MUC5AC: variants seen among roughly 807,000 people sequenced by gnomAD.
MUC5AC encodes the protein mucin 5AC, oligomeric mucus/gel-forming, also known as mucin-5AC.
MUC5AC carries 158 observed loss-of-function variants against 169.7 expected under a neutral mutation model. That is an observed-to-expected ratio of 0.93 (90% CI 0.82 to 1.06). The LOEUF (loss-of-function observed/expected upper bound fraction) is 1.06. Among genes scored for constraint, MUC5AC ranks in the 50% least tolerant of loss-of-function variants. The pLI, the probability that MUC5AC is intolerant of heterozygous loss-of-function variation, is 0.00. For missense variants in MUC5AC, 4,359 were observed against 3,089.9 expected, an observed-to-expected ratio of 1.41 and a Z score of -9.74; for synonymous variants, 1,975 against 1,237.0, an observed-to-expected ratio of 1.60 and a Z score of -12.52.
chr11:1,175,434 G>C (rs902782631), intron 19 of MUC5AC, among the ~76,000 whole-genome samples, 164 bp downstream of exon 19: 2 of 42,250 alleles, frequency 4.7e-5, no homozygotes, highest in African/African-American at 1.1e-4. Flanking sequence ...GCAGCAAGGG[G>C]GAAGAAGGGA....
Position 1,195,827 on chromosome 11 carries a change from C to G in MUC5AC, c.15459-49C>G, listed in dbSNP as rs773062782. ...GCCTGGGAGCCTGACGTGGAGCAGGCAGGTGGCCGGAGAGGCTGCACCCAG... is the reference window on the plus strand; with the variant it reads ...GCCTGGGAGCCTGACGTGGAGCAGGGAGGTGGCCGGAGAGGCTGCACCCAG... On this transcript the variant is annotated intron_variant, in intron 36 of 48. Transcript: ENST00000621226. 4.0e-6 allele frequency: 3 copies of G among 745,398 alleles called. No homozygotes were observed. The Admixed American group carries it at 5.2e-5, about 13-fold the overall frequency. 46.2% of individuals were successfully genotyped at this position (745,398 alleles called of 1,614,324 possible). A position where few individuals can be genotyped will look rare whatever the true frequency, so the allele number is the denominator to read the frequency against.
In MUC5AC at chr11:1,201,081, G is replaced by C. The variant is rs903163580; in HGVS notation, c.*379G>C. 1 of 202,150 alleles carries C rather than the reference G, an allele frequency of 4.9e-6. No homozygotes were observed. Among genetic ancestry groups the C allele is most frequent in the East Asian group, 1.1e-4 (1 of 8,986 alleles). 12.5% of individuals were successfully genotyped at this position (202,150 alleles called of 1,614,324 possible). A position where few individuals can be genotyped will look rare whatever the true frequency, so the allele number is the denominator to read the frequency against. On this transcript the variant is annotated 3_prime_UTR_variant, in exon 49 of 49. Transcript: ENST00000621226. ...ACTCCTACCTCAGCCCTCAGCCTGC[G>C]CTCCCCTCCTCAGTACACGGCCAAT... is the stretch of plus-strand genomic sequence containing the variant.
chr11:1,191,112 C>A lies in MUC5AC; in HGVS notation c.12967C>A (p.Pro4323Thr). The A allele has an allele frequency of 1.4e-6, 1 of 694,318 alleles. No homozygotes were observed. The highest frequency in any genetic ancestry group is 1.5e-5 in the South Asian group (1 of 65,352). The allele number at this position is 694,318 out of a possible 1,614,324, so 43.0% of individuals were successfully genotyped here. Residue 4323 changes from proline (P) to threonine (T), a missense_variant, in exon 31 of 49, where the codon CCT becomes ACT. Transcript: ENST00000621226. ...TTSGPGTTPS[P>T]VPTTSTTSAP... ...CTCTGGTCCTGGAACTACTCCCAGC[C>A]CTGTTCCCACCACCAGCACAACCTC...
intron 41 of MUC5AC, 23 bp from the exon 42 acceptor site, chr11:1,197,880 T>C (rs977026171): frequency 1.3e-5 from 9 of 701,594 alleles, no homozygotes; most frequent in Non-Finnish European, 2.3e-5. Flanking sequence ...AGACTCCTAA[T>C]TGCCTCACTC....
At chr11:1,171,511 AC>A (rs1860535080) in intron 15 of MUC5AC, among the ~76,000 whole-genome samples, 1 of 132,630 alleles carries the variant, frequency 7.5e-6, no homozygotes, top group Admixed American at 7.6e-5. Flanking sequence ...TCACCCATTC[AC>A]CCACTCACTC....
rs1564919353 is a variant in MUC5AC at position 1,195,219 on chromosome 11, G to A, written c.15398G>A (p.Gly5133Glu). 2.6e-6 allele frequency: 2 copies of A among 764,568 alleles called. No individual in the cohort carries two copies. 47.4% of individuals were successfully genotyped at this position (764,568 alleles called of 1,614,324 possible). The change falls in exon 36 of 49, where the codon GGG becomes GAG. Residue 5133 changes from glycine to glutamate, a missense_variant. By Grantham distance (98) the Gly-to-Glu change is moderately conservative (BLOSUM62 -2). Transcript: ENST00000621226. ...ACCACAGTTGGGTCTACCACGGTCG[G>A]GCCCACCACACCGCCTGCTCCGTGC... ...GPTTVGSTTV[G>E]PTTPPAPCLP...
chr11:1,164,113 G>A lies in MUC5AC; in HGVS notation c.797G>A (p.Cys266Tyr). ...CTGTGGCCTTTGTCCTAGGGCATCT[G>A]TGAGGAGCTCCTGCACGGCCAGCTG... Reference protein sequence around the residue: ...PRNCSTGFGICEELLHGQLFS... With the variant: ...PRNCSTGFGIYEELLHGQLFS... Residue 266 changes from cysteine (C) to tyrosine (Y), a missense_variant, in exon 8 of 49, where the codon TGT (cysteine) becomes TAT (tyrosine). Coordinates refer to ENST00000621226, the MANE Select transcript of MUC5AC (RefSeq NM_001304359.2). 2 of 1,612,124 alleles carry A rather than the reference G, an allele frequency of 1.2e-6. No individual in the cohort carries two copies. The highest frequency in any genetic ancestry group is 1.3e-5 in the African/African-American group (1 of 75,056).
At position 1,187,503 on chromosome 11, in the gene MUC5AC, C is replaced by T. The variant is rs1403736383; in HGVS notation, c.9358C>T (p.Leu3120Phe). 1.9e-5 allele frequency: 14 copies of T among 740,918 alleles called. No homozygotes were observed. Among genetic ancestry groups the T allele is most frequent in the Non-Finnish European group, 3.0e-5 (12 of 405,932 alleles). The allele number at this position is 740,918 out of a possible 1,614,324, so 45.9% of individuals were successfully genotyped here. ...CTCTACAGCCAGCAAAACCTCTGGT[C>T]TTGGAACTACTCCCAGCCCTATTCC... ...SASTASKTSG[L>F]GTTPSPIPTT... The change falls in exon 31 of 49, where the codon CTT becomes TTT. Residue 3120 changes from leucine to phenylalanine, a missense_variant. Physicochemically the swap from Leu to Phe is conservative, Grantham distance 22 (BLOSUM62 0). Transcript: ENST00000621226.
chr11:1,171,935 CCACTCATTCACTCACT>C lies in MUC5AC; in HGVS notation c.1871-487_1871-472del, dbSNP rs1309917349. Among the ~76,000 whole-genome samples the C allele has an allele frequency of 6.2e-3, 743 of 120,480 alleles. 10 individuals are homozygous for C. The highest frequency in any genetic ancestry group is 0.026 in the African/African-American group (651 of 24,876). 79.0% of individuals were successfully genotyped at this position (120,480 alleles called of 152,430 possible). ...CTCACCTACTCACTCACTCACTCATCCACTCATTCACTCACTCACTCACTCACTCACTCACTCACTC... is the reference window on the plus strand; with the variant it reads ...CTCACCTACTCACTCACTCACTCATCCACTCACTCACTCACTCACTCACTC... On this transcript the variant is annotated intron_variant, in intron 15 of 48. Coordinates refer to ENST00000621226, the MANE Select transcript of MUC5AC (RefSeq NM_001304359.2).
At position 1,181,125 on chromosome 11, in the gene MUC5AC, T is replaced by C; in HGVS notation, c.3777-14T>C. 1 of 398,532 alleles carries C rather than the reference T, an allele frequency of 2.5e-6. No homozygotes were observed. The highest frequency in any genetic ancestry group is 3.6e-5 in the East Asian group (1 of 28,076). The allele number at this position is 398,532 out of a possible 1,614,324, so 24.7% of individuals were successfully genotyped here. A position where few individuals can be genotyped will look rare whatever the true frequency, so the allele number is the denominator to read the frequency against. ...GCCCCCACGCATCGGCCTGCCCTTC[T>C]TCCTTGTCTCCAGCCTTTGTACGGA... On this transcript the variant is annotated splice_polypyrimidine_tract_variant and intron_variant, in intron 28 of 48. Coordinates refer to ENST00000621226, the MANE Select transcript of MUC5AC (RefSeq NM_001304359.2).
rs1457001122 is a variant in MUC5AC at position 1,192,854 on chromosome 11, G to A, written c.14452G>A (p.Val4818Met). ...YYALCSQDCQ[V>M]VRGVDSDCPS... ...TGCCCTGTGTAGCCAGGACTGCCAAGTGGTCAGAGGGGTTGACAGTGACTG... is the reference window on the plus strand; with the variant it reads ...TGCCCTGTGTAGCCAGGACTGCCAAATGGTCAGAGGGGTTGACAGTGACTG... Residue 4818 changes from valine (V) to methionine (M), a missense_variant, in exon 32 of 49, where the codon GTG becomes ATG. Transcript: ENST00000621226. 13 of 764,752 alleles carry A rather than the reference G, an allele frequency of 1.7e-5. No individual in the cohort carries two copies. The highest frequency in any genetic ancestry group is 3.1e-5 in the Non-Finnish European group (13 of 417,796). The allele number at this position is 764,752 out of a possible 1,614,324, so 47.4% of individuals were successfully genotyped here. A position where few individuals can be genotyped will look rare whatever the true frequency, so the allele number is the denominator to read the frequency against.
intron 16 of MUC5AC, among the ~76,000 whole-genome samples, chr11:1,173,787 C>T (rs978893849): frequency 5.4e-5 from 7 of 130,298 alleles, no homozygotes; most frequent in Non-Finnish European, 8.6e-5. Context: ...CATCCACTCA[C>T]TCGCTCATTC....
At chr11:1,179,031 T>TC (rs1860749240) in intron 25 of MUC5AC, 61 bp from the exon 26 acceptor site, 2 of 175,860 alleles carry the variant, frequency 1.1e-5, no homozygotes, top group Non-Finnish European at 1.9e-5. Flanking sequence ...ATGGGCCCGG[T>TC]CCCCAAGAGC....
Position 1,176,576 on chromosome 11 carries a change from C to T in MUC5AC, c.2565C>T (p.Gly855=), listed in dbSNP as rs1024079773. ...CPDGLVADGE[G]GCITAEDCPC... is the part of the protein sequence containing the mutation. ...ACGGGCTGGTGGCGGACGGCGAGGG[C>T]GGCTGCATCACTGCGGAGGACTGCC... The change falls in exon 21 of 49, where the codon GGC becomes GGT. Residue 855 remains glycine, a synonymous_variant. Transcript: ENST00000621226. 1.2e-3 allele frequency: 469 copies of T among 399,796 alleles called. 2 individuals are homozygous for T. The highest frequency in any genetic ancestry group is 8.3e-3 in the African/African-American group (403 of 48,776). The allele number at this position is 399,796 out of a possible 1,614,324, so 24.8% of individuals were successfully genotyped here.
At position 1,198,158 on chromosome 11, in the gene MUC5AC, C is replaced by A. The variant is rs1861332254; in HGVS notation, c.16136-110C>A. ...CGCAGAGATGAGGCTGGACAAACCCCAGTGGCGAGCCCGGGAATGAGGCGC... is the reference window on the plus strand; with the variant it reads ...CGCAGAGATGAGGCTGGACAAACCCAAGTGGCGAGCCCGGGAATGAGGCGC... On this transcript the variant is annotated intron_variant, in intron 42 of 48. Coordinates refer to ENST00000621226, the MANE Select transcript of MUC5AC (RefSeq NM_001304359.2). The A allele has an allele frequency of 1.1e-5, 8 of 696,962 alleles. No individual in the cohort carries two copies. In the South Asian group the frequency reaches 1.2e-4, roughly 10 times the overall value. 43.2% of individuals were successfully genotyped at this position (696,962 alleles called of 1,614,324 possible).
Position 1,168,934 on chromosome 11 carries a change from C to G in MUC5AC, c.1778C>G (p.Ala593Gly). Residue 593 changes from alanine to glycine, a missense_variant, in exon 15 of 49, where the codon GCT becomes GGT. Physicochemically the swap from Ala to Gly is moderately conservative, Grantham distance 60. Coordinates refer to ENST00000621226, the MANE Select transcript of MUC5AC (RefSeq NM_001304359.2). ...CTCAGTGGGGTGGTGGAGGCCACCG[C>G]TGCGGCCTTCTTCAACACCTTCAAG... ...RTLSGVVEAT[A>G]AAFFNTFKTQ... 1 of 1,611,592 alleles carries G rather than the reference C, an allele frequency of 6.2e-7. No homozygotes were observed. Among genetic ancestry groups the G allele is most frequent in the Non-Finnish European group, 8.5e-7 (1 of 1,179,268 alleles).
Position 1,197,642 on chromosome 11 carries a change from A to T in MUC5AC, c.16033+3A>T. The T allele has an allele frequency of 1.4e-6, 1 of 704,772 alleles. No individual in the cohort carries two copies. The highest frequency in any genetic ancestry group is 1.7e-5 in the African/African-American group (1 of 57,704). 43.7% of individuals were successfully genotyped at this position (704,772 alleles called of 1,614,324 possible). ...GTGCTGCCCCCAGTACAGCTGCGGT[A>T]AGCCCTTTGCTGGGTGAGGGGCATG... is the stretch of plus-strand genomic sequence containing the variant. On this transcript the variant is annotated splice_donor_region_variant and intron_variant, in intron 41 of 48. Coordinates refer to ENST00000621226, the MANE Select transcript of MUC5AC (RefSeq NM_001304359.2).
Position 1,176,174 on chromosome 11 carries a change from T to A in MUC5AC, c.2425T>A (p.Phe809Ile). Reference protein sequence around the residue: ...APVCAAPMVFFDCRNATPGDT... With the variant: ...APVCAAPMVFIDCRNATPGDT... ...AGTGTGTGCTGCGCCCATGGTGTTC[T>A]TTGACTGCCGAAATGCCACGCCCGG... Residue 809 changes from phenylalanine to isoleucine, a missense_variant, in exon 20 of 49, where the codon TTT becomes ATT. Coordinates refer to ENST00000621226, the MANE Select transcript of MUC5AC (RefSeq NM_001304359.2). 2.5e-6 allele frequency: 1 copy of A among 398,654 alleles called. No individual in the cohort carries two copies. 24.7% of individuals were successfully genotyped at this position (398,654 alleles called of 1,614,324 possible).
Position 1,200,446 on chromosome 11 carries a change from TCGAGGGCAACAC to T in MUC5AC, c.16710_16721del (p.Glu5571_Thr5574del), listed in dbSNP as rs1412791827. On this transcript the variant is annotated inframe_deletion, in exon 49 of 49. Transcript: ENST00000621226. ...GCAGCCCCTGCCCACAGGTACTCGC[TCGAGGGCAACAC>T]GGTGGAGCACAGGTGCCAGTGCTGC... 1.4e-6 allele frequency: 1 copy of T among 705,304 alleles called. No individual in the cohort carries two copies. Among genetic ancestry groups the T allele is most frequent in the East Asian group, 2.7e-5 (1 of 37,562 alleles). The allele number at this position is 705,304 out of a possible 1,614,324, so 43.7% of individuals were successfully genotyped here.
Sources: allele counts gnomAD v4.1 joint callset (sites outside exome capture counted in the v4.1 genomes callset), GRCh38; gene constraint gnomAD v4.1.1; transcripts MANE v1.5; gene names NCBI Gene and HGNC (gene_info 2026-07-23, HGNC 2026-07-21).